The following SLCO2A1 variants were observed in gnomAD, a reference collection of about 807,000 sequenced individuals.
SLCO2A1 encodes the protein solute carrier organic anion transporter family member 2A1.
Under a neutral mutation model 71.7 loss-of-function variants are expected in SLCO2A1, and 60 were observed. The ratio of observed to expected loss-of-function variants is 0.84; its 90% CI spans 0.68 to 1.04. The LOEUF (loss-of-function observed/expected upper bound fraction) is 1.04. Ranked by LOEUF, SLCO2A1 falls within the 50% of genes least tolerant of loss-of-function variation. The pLI is 0.00. For synonymous variants in SLCO2A1, 308 were observed against 326.7 expected (o/e 0.94, Z 0.62); for missense variants, 745 against 813.4 (o/e 0.92, Z 1.02).
In SLCO2A1 at chr3:133,942,658, G is replaced by A. The variant is rs747190330; in HGVS notation, c.1572C>T (p.Phe524=). 9.3e-6 allele frequency: 15 copies of A among 1,613,818 alleles called. No homozygotes were observed. Among genetic ancestry groups the A allele is most frequent in the East Asian group, 2.2e-5 (1 of 44,858 alleles). Residue 524 remains phenylalanine, a synonymous_variant, in exon 11 of 14, where the codon TTC becomes TTT. Coordinates refer to ENST00000310926, the MANE Select transcript of SLCO2A1 (RefSeq NM_005630.3). ...FLLPAIFLIS[F]VSLIACISHN... is the part of the protein sequence containing the mutation. The stretch of plus-strand genomic sequence containing the variant: ...GGGAGATGCAGGCTATCAGGGACAC[G>A]AAGGAGATGAGGAAGATGGCCGGGA...
rs751499852 is a variant in SLCO2A1 at position 133,979,539 on chromosome 3, A to G, written c.176T>C (p.Ile59Thr). 10 of 1,614,128 alleles carry G rather than the reference A, an allele frequency of 6.2e-6. No individual in the cohort carries two copies. The highest frequency in any genetic ancestry group is 2.2e-5 in the East Asian group (1 of 44,882). Residue 59 changes from isoleucine (I) to threonine (T), a missense_variant, in exon 2 of 14, where the codon ATT becomes ACT. Coordinates refer to ENST00000310926, the MANE Select transcript of SLCO2A1 (RefSeq NM_005630.3). ...SAYFKSSLTT[I>T]EKRFGLSSSS... ...ACTGGAGAGCCCAAAGCGCTTCTCAATGGTGGTGAGGCTGCTCTTGAAGTA... is the reference window on the plus strand; with the variant it reads ...ACTGGAGAGCCCAAAGCGCTTCTCAGTGGTGGTGAGGCTGCTCTTGAAGTA...
intron 1 of SLCO2A1, among the ~76,000 whole-genome samples, chr3:134,011,064 T>G (rs1045959820): frequency 6.6e-6 from 1 of 152,234 alleles, no homozygotes; most frequent in Non-Finnish European, 1.5e-5. Context: ...TTTTTTGTTT[T>G]TGAGATGGAG....
chr3:133,945,339 C>A, intron 9 of SLCO2A1, 79 bp from the exon 10 acceptor site: 1 of 1,380,718 alleles, frequency 7.2e-7, no homozygotes. Flanking sequence ...AGTGTGAGTT[C>A]CTGGCCTGGT....
At chr3:133,951,366 CA>C in intron 5 of SLCO2A1, 22 bp from the exon 6 acceptor site, 1 of 1,612,990 alleles carries the variant, frequency 6.2e-7, no homozygotes, top group Non-Finnish European at 8.5e-7. Context: ...ACGAAGAGTG[CA>C]AATGTTTGTT....
chr3:133,974,788 C>T (rs1394761172), intron 2 of SLCO2A1, among the ~76,000 whole-genome samples: 1 of 152,182 alleles, frequency 6.6e-6, no homozygotes, highest in Non-Finnish European at 1.5e-5. Context: ...GAGCACAGTT[C>T]ACCTGGACTG....
At chr3:133,956,728 C>CT (rs537893717) in intron 3 of SLCO2A1, among the ~76,000 whole-genome samples, 141 of 152,070 alleles carry the variant, frequency 9.3e-4, no homozygotes, top group Non-Finnish European at 1.1e-3. Flanking sequence ...AAAATATAGC[C>CT]TTTTTTTTAC....
intron 3 of SLCO2A1, among the ~76,000 whole-genome samples, chr3:133,970,795 C>A (rs1934304943): frequency 6.6e-6 from 1 of 152,082 alleles, no homozygotes; most frequent in South Asian, 2.1e-4. Context: ...ACAAAACAGC[C>A]CACTCTTCTG....
intron 1 of SLCO2A1, among the ~76,000 whole-genome samples, chr3:134,025,297 G>A (rs1243426118): frequency 1.3e-5 from 2 of 152,096 alleles, no homozygotes; most frequent in African/African-American, 4.8e-5. Context: ...AGAACTTGTT[G>A]TATAATATAA....
chr3:133,949,186 A>G (rs1039660266), intron 6 of SLCO2A1: 5 of 584,150 alleles, frequency 8.6e-6, no homozygotes, highest in African/African-American at 1.9e-5. Context: ...CAATCAGAAC[A>G]CATCTATGCC....
At chr3:133,956,730 T>C (rs942110417) in intron 3 of SLCO2A1, among the ~76,000 whole-genome samples, 1 of 152,182 alleles carries the variant, frequency 6.6e-6, no homozygotes, top group Non-Finnish European at 1.5e-5. Context: ...AATATAGCCT[T>C]TTTTTTACAC....
At chr3:134,012,439 C>T (rs946361990) in intron 1 of SLCO2A1, among the ~76,000 whole-genome samples, 12 of 152,124 alleles carry the variant, frequency 7.9e-5, no homozygotes, top group African/African-American at 2.9e-4. Flanking sequence ...CTACAGTGAG[C>T]TCCCCATCAG....
intron 1 of SLCO2A1, among the ~76,000 whole-genome samples, chr3:134,029,118 G>A (rs1441640465): frequency 6.6e-6 from 1 of 152,128 alleles, no homozygotes; most frequent in African/African-American, 2.4e-5. Context: ...CCGCTGAGAG[G>A]GAATTCTAAA....
At chr3:133,980,341 C>T (rs1439420817) in intron 1 of SLCO2A1, among the ~76,000 whole-genome samples, 1 of 151,340 alleles carries the variant, frequency 6.6e-6, no homozygotes, top group Non-Finnish European at 1.5e-5. Flanking sequence ...CTGTATCTCA[C>T]CTGGCCTCGT....
chr3:133,974,738 C>G (rs997097063), intron 2 of SLCO2A1, among the ~76,000 whole-genome samples: 1 of 152,166 alleles, frequency 6.6e-6, no homozygotes, highest in Non-Finnish European at 1.5e-5. Context: ...TGCTGCCAGG[C>G]CTTCTGACCA....
At chr3:133,963,517 A>G (rs994814333) in intron 3 of SLCO2A1, among the ~76,000 whole-genome samples, 1 of 152,208 alleles carries the variant, frequency 6.6e-6, no homozygotes, top group Admixed American at 6.5e-5. Flanking sequence ...CATTCTAGTA[A>G]AGCAAAGAGA....
Position 134,020,590 on chromosome 3 carries a change from A to C in SLCO2A1, c.96+9117T>G, listed in dbSNP as rs947632442. Among the ~76,000 whole-genome samples, 53 of 152,224 alleles carry C rather than the reference A, an allele frequency of 3.5e-4. 1 individual carries two copies. Among genetic ancestry groups the C allele is most frequent in the Admixed American group, 3.3e-3 (51 of 15,288 alleles). ...AGGTTTTCACCGGTCTGGACATCTAAAACTTAGTAAGACTAGTCTTTAAAA... is the reference window on the plus strand; with the variant it reads ...AGGTTTTCACCGGTCTGGACATCTACAACTTAGTAAGACTAGTCTTTAAAA... On this transcript the variant is annotated intron_variant, in intron 1 of 13. Transcript: ENST00000310926.
chr3:133,934,865 G>T (rs752061269), intron 13 of SLCO2A1, 35 bp from the exon 14 acceptor site: 1 of 1,548,858 alleles, frequency 6.5e-7, no homozygotes, highest in Admixed American at 1.7e-5. Flanking sequence ...GGTGAGGGAG[G>T]GGGCTCTGCA....
intron 1 of SLCO2A1, among the ~76,000 whole-genome samples, chr3:133,980,103 C>T (rs1224452352): frequency 2.0e-5 from 3 of 152,210 alleles, no homozygotes; most frequent in African/African-American, 7.2e-5. Flanking sequence ...TCTCTCTTGA[C>T]CTGTCTTCCA....
At chr3:133,987,935 G>A (rs1348560642) in intron 1 of SLCO2A1, among the ~76,000 whole-genome samples, 1 of 152,216 alleles carries the variant, frequency 6.6e-6, no homozygotes, top group African/African-American at 2.4e-5. Flanking sequence ...GAATGAAACA[G>A]TTCTTCTAAA....
Sources: gnomAD v4.1 joint callset for allele counts (sites outside exome capture counted in the v4.1 genomes callset) on GRCh38, gnomAD v4.1.1 for gene constraint, MANE v1.5 for transcripts, NCBI Gene and HGNC (gene_info 2026-07-23, HGNC 2026-07-21) for gene names.